ZNF853: variants seen among roughly 807,000 people sequenced by gnomAD.
The protein encoded by ZNF853 is zinc finger protein 853.
A neutral mutation model predicts 94.7 loss-of-function variants in ZNF853; 57 were observed. The ratio of observed to expected loss-of-function variants is 0.60; its 90% CI spans 0.49 to 0.75. The LOEUF (loss-of-function observed/expected upper bound fraction) is 0.75, where lower values mean the gene tolerates loss of function less well. ZNF853 is among the 30% of genes least tolerant of loss of function. ZNF853 has a pLI of 0.00. For synonymous variants in ZNF853, 448 were observed against 406.3 expected, an observed-to-expected ratio of 1.10 and a Z score of -1.23; for missense variants, 785 against 868.9, an observed-to-expected ratio of 0.90 and a Z score of 1.21.
intron 2 of ZNF853, among the ~76,000 whole-genome samples, chr7:6,617,835 C>T: frequency 1.3e-5 from 2 of 152,094 alleles, no homozygotes; most frequent in African/African-American, 2.4e-5. Context: ...TCCAAGACCT[C>T]TTCCTCTGGG....
At chr7:6,617,469 G>C in intron 2 of ZNF853, 162 bp downstream of exon 2, 1 of 634,782 alleles carries the variant, frequency 1.6e-6, no homozygotes, top group Non-Finnish European at 2.0e-6. Context: ...AGGTGGCTGT[G>C]TCAGGCAGGC....
Position 6,621,596 on chromosome 7 carries a change from AG to A in ZNF853, c.606del (p.Gln202HisfsTer187). The stretch of plus-strand genomic sequence containing the variant: ...CTACAGCAGCAAGTGCAAGAGCAAC[AG>A]CTGTTACAGCAACAGCAGGAACAGT... ...EQLQQQVQEQQLLQQQQEQLQ... is the reference protein window; with the variant it reads ...EQLQQQVQEQXLLQQQQEQLQ... On this transcript the variant is annotated frameshift_variant, in exon 3 of 3. Coordinates refer to ENST00000457543, the MANE Select transcript of ZNF853 (RefSeq NM_017560.3). LOFTEE classifies it high-confidence loss of function. 1 of 1,551,402 alleles carries A rather than the reference AG, an allele frequency of 6.4e-7. No individual in the cohort carries two copies. The highest frequency in any genetic ancestry group is 8.7e-7 in the Non-Finnish European group (1 of 1,146,720).
chr7:6,618,134 T>A, intron 2 of ZNF853, among the ~76,000 whole-genome samples: 1 of 151,670 alleles, frequency 6.6e-6, no homozygotes, highest in Non-Finnish European at 1.5e-5. Flanking sequence ...ACACTGTCTT[T>A]ACTACAAATA....
chr7:6,622,228 C>T lies in ZNF853; in HGVS notation c.1237C>T (p.Leu413=). 6.5e-7 allele frequency: 1 copy of T among 1,532,246 alleles called. No individual in the cohort carries two copies. Among genetic ancestry groups the T allele is most frequent in the Non-Finnish European group, 8.7e-7 (1 of 1,143,666 alleles). The allele number at this position is 1,532,246 out of a possible 1,614,324, so 94.9% of individuals were successfully genotyped here. Residue 413 remains leucine (L), a synonymous_variant, in exon 3 of 3, where the codon CTG becomes TTG. Coordinates refer to ENST00000457543, the MANE Select transcript of ZNF853 (RefSeq NM_017560.3). The part of the protein sequence containing the change: ...ELTPVQPELQ[L]ELVPAAGGGG... ...GACCCCCGTGCAGCCGGAGCTGCAG[C>T]TGGAACTGGTGCCAGCCGCAGGGGG...
Position 6,621,297 on chromosome 7 carries a change from A to ACAGCCGCAACACGAG in ZNF853, c.311_325dup (p.Pro104_Gln108dup). 1.3e-6 allele frequency: 2 copies of ACAGCCGCAACACGAG among 1,551,124 alleles called. No homozygotes were observed. The highest frequency in any genetic ancestry group is 2.4e-5 in the South Asian group (2 of 84,036). On this transcript the variant is annotated inframe_insertion, in exon 3 of 3. Coordinates refer to ENST00000457543, the MANE Select transcript of ZNF853 (RefSeq NM_017560.3). ...TAGAACAGCAGCCCGAGCCGCAGCA[A>ACAGCCGCAACACGAG]CAGCCGCAACACGAGCAGCTGCAAC...
In ZNF853 at chr7:6,622,949, C is replaced by T. The variant is rs747018996; in HGVS notation, c.1958C>T (p.Ala653Val). The change falls in exon 3 of 3, where the codon GCG becomes GTG. Residue 653 changes from alanine (A) to valine (V), a missense_variant. Ala to Val is a moderately conservative substitution (Grantham distance 64). Coordinates refer to ENST00000457543, the MANE Select transcript of ZNF853 (RefSeq NM_017560.3). ...ARAEQAATAT[A>V]PADKAL is the part of the protein sequence containing the mutation. Reference sequence around the variant, plus strand: ...GCGGAGCAGGCCGCTACAGCCACTGCGCCCGCAGACAAGGCGCTGTGAGGG... The same window carrying T: ...GCGGAGCAGGCCGCTACAGCCACTGTGCCCGCAGACAAGGCGCTGTGAGGG... The T allele has an allele frequency of 7.2e-6, 9 of 1,251,012 alleles. No individual in the cohort carries two copies. The highest frequency in any genetic ancestry group is 3.1e-5 in the East Asian group (1 of 31,806). The allele number at this position is 1,251,012 out of a possible 1,614,324, so 77.5% of individuals were successfully genotyped here.
Position 6,621,755 on chromosome 7 carries a change from TGCAGCA to T in ZNF853, c.772_777del (p.Gln258_Gln259del), listed in dbSNP as rs1331699596. On this transcript the variant is annotated inframe_deletion, in exon 3 of 3. Coordinates refer to ENST00000457543, the MANE Select transcript of ZNF853 (RefSeq NM_017560.3). ...CAGGGACAGTTACAGCAGCAACTGT[TGCAGCA>T]GCAGCAGGCACAGTTACAACAGCAG... The T allele has an allele frequency of 1.6e-5, 25 of 1,550,074 alleles. No homozygotes were observed. Among genetic ancestry groups the T allele is most frequent in the Non-Finnish European group, 2.1e-5 (24 of 1,146,850 alleles).
At position 6,622,265 on chromosome 7, in the gene ZNF853, C is replaced by G; in HGVS notation, c.1274C>G (p.Ala425Gly). ...LVPAAGGGGA[A>G]VPGAPAAVVV... ...CCAGCCGCAGGGGGCGGCGGAGCGG[C>G]GGTCCCGGGGGCTCCGGCCGCGGTC... The change falls in exon 3 of 3, where the codon GCG becomes GGG. Residue 425 changes from alanine (A) to glycine (G), a missense_variant. By Grantham distance (60) the Ala-to-Gly change is moderately conservative. Coordinates refer to ENST00000457543, the MANE Select transcript of ZNF853 (RefSeq NM_017560.3). 1.1e-5 allele frequency: 17 copies of G among 1,511,014 alleles called. No individual in the cohort carries two copies. Among genetic ancestry groups the G allele is most frequent in the Non-Finnish European group, 1.5e-5 (17 of 1,134,846 alleles). The allele number at this position is 1,511,014 out of a possible 1,614,324, so 93.6% of individuals were successfully genotyped here.
Position 6,617,283 on chromosome 7 carries a change from G to A in ZNF853, c.106G>A (p.Gly36Ser). The change falls in exon 2 of 3, where the codon GGC becomes AGC. Residue 36 changes from glycine to serine, a missense_variant. Gly to Ser is a moderately conservative substitution (Grantham distance 56). Transcript: ENST00000457543. ...VLELQCLEDG[G>S]PGPDTLSGGS... ...GGAACTTCAATGTCTTGAGGATGGG[G>A]GCCCAGGGCCTGACACCCTCTCAGG... 1.3e-6 allele frequency: 2 copies of A among 1,503,912 alleles called. No homozygotes were observed. Among genetic ancestry groups the A allele is most frequent in the East Asian group, 2.6e-5 (1 of 39,110 alleles). The allele number at this position is 1,503,912 out of a possible 1,614,324, so 93.2% of individuals were successfully genotyped here.
Position 6,622,179 on chromosome 7 carries a change from G to A in ZNF853, c.1188G>A (p.Gln396=). The A allele has an allele frequency of 6.5e-7, 1 of 1,540,916 alleles. No individual in the cohort carries two copies. The change falls in exon 3 of 3, where the codon CAG becomes CAA. Residue 396 remains glutamine (Q), a synonymous_variant. Transcript: ENST00000457543. ...TGACCCCGGTGGAGCTAGGCGCCCA[G>A]CAGCAGGAGGTGCAGCTGGAGCTGA... The part of the protein sequence containing the change: ...LELTPVELGA[Q]QQEVQLELTP...
At chr7:6,617,151 C>T in intron 1 of ZNF853, 39 bp from the exon 2 acceptor site, 1 of 1,507,418 alleles carries the variant, frequency 6.6e-7, no homozygotes. Context: ...GGTCAAAGCA[C>T]TCCAGCCTGG....
chr7:6,623,716 C>G lies in ZNF853; in HGVS notation c.*745C>G, dbSNP rs2247744. On this transcript the variant is annotated 3_prime_UTR_variant, in exon 3 of 3. Transcript: ENST00000457543. ...CCTCTGCTGCTGTGTCCCCCAGTCCCCCCAGCCCGCATTAATGTCCTCTGG... is the reference window on the plus strand; with the variant it reads ...CCTCTGCTGCTGTGTCCCCCAGTCCGCCCAGCCCGCATTAATGTCCTCTGG... 59,226 of 181,396 alleles carry G rather than the reference C, an allele frequency of 0.33. 11,145 individuals carry two copies. The highest frequency in any genetic ancestry group is 0.53 in the East Asian group (3,879 of 7,304). 11.2% of individuals were successfully genotyped at this position (181,396 alleles called of 1,614,324 possible).
At position 6,622,706 on chromosome 7, in the gene ZNF853, G is replaced by A. The variant is rs1221448476; in HGVS notation, c.1715G>A (p.Gly572Glu). 2 of 1,574,030 alleles carry A rather than the reference G, an allele frequency of 1.3e-6. No homozygotes were observed. Among genetic ancestry groups the A allele is most frequent in the Admixed American group, 3.7e-5 (2 of 53,936 alleles). The change falls in exon 3 of 3, where the codon GGG (glycine) becomes GAG (glutamate). Residue 572 changes from glycine to glutamate, a missense_variant. Gly to Glu is a moderately conservative substitution (Grantham distance 98). Coordinates refer to ENST00000457543, the MANE Select transcript of ZNF853 (RefSeq NM_017560.3). The stretch of plus-strand genomic sequence containing the variant: ...ACCGGGGAGCGACCCTACGCCTGCG[G>A]GGACTGTGGCAAGCGCTTCAGCGTC... ...THTGERPYAC[G>E]DCGKRFSVSS...
At chr7:6,619,397 G>A in intron 2 of ZNF853, among the ~76,000 whole-genome samples, 1 of 151,866 alleles carries the variant, frequency 6.6e-6, no homozygotes, top group African/African-American at 2.4e-5. Context: ...TCAGCCTCCC[G>A]AGTAGATGGG....
rs376257434 is a variant in ZNF853, at chr7:6,621,291, G to A, written c.300G>A (p.Pro100=). The A allele has an allele frequency of 3.1e-4, 482 of 1,550,884 alleles. 2 individuals are homozygous for A. The highest frequency in any genetic ancestry group is 2.5e-3 in the Middle Eastern group (15 of 5,986). Residue 100 remains proline, a synonymous_variant, in exon 3 of 3, where the codon CCG becomes CCA. Transcript: ENST00000457543. The part of the protein sequence containing the change: ...QLQQLEQQPE[P]QQQPQHEQLQ... ...AGCAGTTAGAACAGCAGCCCGAGCC[G>A]CAGCAACAGCCGCAACACGAGCAGC...
In ZNF853 at chr7:6,622,379, C is replaced by G. The variant is rs1197370268; in HGVS notation, c.1388C>G (p.Pro463Arg). 7.2e-7 allele frequency: 1 copy of G among 1,396,726 alleles called. No homozygotes were observed. The highest frequency in any genetic ancestry group is 9.2e-7 in the Non-Finnish European group (1 of 1,082,062). 86.5% of individuals were successfully genotyped at this position (1,396,726 alleles called of 1,614,324 possible). The change falls in exon 3 of 3, where the codon CCG becomes CGG. Residue 463 changes from proline (P) to arginine (R), a missense_variant. By Grantham distance (103) the Pro-to-Arg change is moderately radical (BLOSUM62 -2). Transcript: ENST00000457543. ...CCGGCCGTGGTGGCCATCCCGGGCC[C>G]GGCAGGCAGCGCGGCGTTGACCCCT... ...AAPAVVAIPG[P>R]AGSAALTPAR...
chr7:6,616,254 TGGCACGAGTC>T, intron 1 of ZNF853, 68 bp downstream of exon 1: 1 of 1,495,418 alleles, frequency 6.7e-7, no homozygotes, highest in African/African-American at 1.4e-5. Context: ...TTGGACTGGA[TGGCACGAGTC>T]GGCCTGTTTA....
At chr7:6,620,565 T>TCCTTCCCTC in intron 2 of ZNF853, among the ~76,000 whole-genome samples, 2 of 150,204 alleles carry the variant, frequency 1.3e-5, no homozygotes, top group African/African-American at 2.5e-5. Context: ...CCACCTACCT[T>TCCTTCCCTC]CCTTCCTTCC....
intron 2 of ZNF853, among the ~76,000 whole-genome samples, chr7:6,617,990 G>A: frequency 1.4e-4 from 21 of 152,062 alleles, no homozygotes; most frequent in Non-Finnish European, 2.5e-4. Flanking sequence ...GTGGGATGGG[G>A]ATGTGTGGAG....
Sources: gnomAD v4.1 joint callset for allele counts (sites outside exome capture counted in the v4.1 genomes callset) on GRCh38, gnomAD v4.1.1 for gene constraint, MANE v1.5 for transcripts, NCBI Gene and HGNC (gene_info 2026-07-23, HGNC 2026-07-21) for gene names.